PRKD3: variants seen among roughly 807,000 people sequenced by gnomAD.
PRKD3 encodes the protein protein kinase D3, also known as serine/threonine-protein kinase D3.
PRKD3 carries 47 observed loss-of-function variants against 99.2 expected under a neutral mutation model. That is an observed-to-expected ratio of 0.47 (90% CI 0.38 to 0.60). The LOEUF (loss-of-function observed/expected upper bound fraction) is 0.60. Among genes scored for constraint, PRKD3 ranks in the 20% least tolerant of loss-of-function variants. The probability of loss-of-function intolerance (pLI) is 0.00; values close to 1 mark genes in which losing one functional copy is unlikely to be tolerated. For missense variants in PRKD3, 1,019 were observed against 1,088.4 expected (o/e 0.94, Z 0.90); for synonymous variants, 392 against 355.4 (o/e 1.10, Z -1.16).
chr2:37,287,256 AAAAAAAAAAAAGAAAAAG>A (rs1670152945), intron 5 of PRKD3, among the ~76,000 whole-genome samples: 3 of 97,526 alleles, frequency 3.1e-5, no homozygotes, highest in African/African-American at 7.7e-5. Flanking sequence ...AAAAAAAAAA[AAAAAAAAAAAAGAAAAAG>A]AAAAAGAAAA....
In PRKD3 at chr2:37,260,500, A is replaced by G. The variant is rs905521564; in HGVS notation, c.1885-116T>C. On this transcript the variant is annotated intron_variant, in intron 14 of 18. Coordinates refer to ENST00000234179, the MANE Select transcript of PRKD3 (RefSeq NM_005813.6). ...AGAAAGAAAGCCTAGAGAAGTAAAC[A>G]AAGCAAACAAAATAAAAATTACAAT... 9 of 920,348 alleles carry G rather than the reference A, an allele frequency of 9.8e-6. No individual in the cohort carries two copies. The African/African-American group carries it at 1.4e-4, about 14-fold the overall frequency. The allele number at this position is 920,348 out of a possible 1,614,324, so 57.0% of individuals were successfully genotyped here.
At chr2:37,310,886 T>C (rs1353656651) in intron 2 of PRKD3, among the ~76,000 whole-genome samples, 1 of 152,200 alleles carries the variant, frequency 6.6e-6, no homozygotes, top group Non-Finnish European at 1.5e-5. Flanking sequence ...CAATCACATA[T>C]TTCTGTCACC....
Position 37,250,908 on chromosome 2 carries a change from A to C in PRKD3, c.*2269T>G, listed in dbSNP as rs1667435679. ...TGCAGGTTATACAGTATCTGGAATA[A>C]TCATTCAACTCCAGATTCTCTGACA... On this transcript the variant is annotated 3_prime_UTR_variant, in exon 19 of 19. Transcript: ENST00000234179. 1 of 152,680 alleles carries C rather than the reference A, an allele frequency of 6.5e-6. No homozygotes were observed. Among genetic ancestry groups the C allele is most frequent in the East Asian group, 1.9e-4 (1 of 5,200 alleles). The allele number at this position is 152,680 out of a possible 1,614,324, so 9.5% of individuals were successfully genotyped here. A position where few individuals can be genotyped will look rare whatever the true frequency, so the allele number is the denominator to read the frequency against.
intron 2 of PRKD3, among the ~76,000 whole-genome samples, chr2:37,314,190 CAT>C (rs1671564395): frequency 6.6e-6 from 1 of 152,142 alleles, no homozygotes; most frequent in South Asian, 2.1e-4. Context: ...ACCCAACTGA[CAT>C]TTATAGAAAA....
At chr2:37,321,290 C>G (rs1055424791) in intron 1 of PRKD3, among the ~76,000 whole-genome samples, 1 of 152,086 alleles carries the variant, frequency 6.6e-6, no homozygotes, top group African/African-American at 2.4e-5. Flanking sequence ...ATATTCCATT[C>G]AAATGAGCTT....
chr2:37,292,092 C>T (rs1222741449), intron 3 of PRKD3, among the ~76,000 whole-genome samples: 1 of 152,062 alleles, frequency 6.6e-6, no homozygotes. Context: ...TTTAAAGCCA[C>T]AGAAATAACC....
Position 37,318,987 on chromosome 2 carries a change from C to T in PRKD3, c.-655-1808G>A, listed in dbSNP as rs532598568. Among the ~76,000 whole-genome samples, 73 of 152,268 alleles carry T rather than the reference C, an allele frequency of 4.8e-4. No individual in the cohort carries two copies. The South Asian group carries it at 0.015, about 31-fold the overall frequency. ...CACTAGAAGTCAACCACATTTACAT[C>T]TTGGAAAATAATGATTATTAGGCTT... On this transcript the variant is annotated intron_variant, in intron 1 of 18. Transcript: ENST00000234179.
intron 10 of PRKD3, 35 bp from the exon 11 acceptor site, chr2:37,274,732 T>A (rs749278305): frequency 6.4e-7 from 1 of 1,566,422 alleles, no homozygotes; most frequent in Non-Finnish European, 8.7e-7. Context: ...AAAATAAGAA[T>A]AGATCTTTGT....
At chr2:37,300,612 T>C (rs1387644059) in intron 2 of PRKD3, among the ~76,000 whole-genome samples, 1 of 152,236 alleles carries the variant, frequency 6.6e-6, no homozygotes, top group East Asian at 1.9e-4. Flanking sequence ...ATGCATTGTA[T>C]GCTTGTATCA....
intron 17 of PRKD3, among the ~76,000 whole-genome samples, chr2:37,254,932 G>A (rs552206515): frequency 6.6e-6 from 1 of 152,294 alleles, no homozygotes; most frequent in Middle Eastern, 3.4e-3. Context: ...TTTGGAGAAT[G>A]ATCAATTGCA....
chr2:37,268,241 G>GT (rs1225262429), intron 13 of PRKD3: 5 of 456,836 alleles, frequency 1.1e-5, no homozygotes, highest in East Asian at 1.4e-4. Flanking sequence ...TGGCACAATC[G>GT]TAAGTCTACT....
intron 2 of PRKD3, among the ~76,000 whole-genome samples, chr2:37,313,461 A>G (rs1373692646): frequency 6.6e-6 from 1 of 152,224 alleles, no homozygotes; most frequent in Non-Finnish European, 1.5e-5. Flanking sequence ...GAAAACAGCC[A>G]ATCTATTTAA....
chr2:37,258,926 A>T (rs557044316), intron 16 of PRKD3, among the ~76,000 whole-genome samples: 4 of 152,280 alleles, frequency 2.6e-5, no homozygotes, highest in African/African-American at 9.6e-5. Context: ...ATCCTTGCCA[A>T]TTATGGAAAA....
At chr2:37,261,056 C>T (rs962717205) in intron 14 of PRKD3, among the ~76,000 whole-genome samples, 1 of 152,208 alleles carries the variant, frequency 6.6e-6, no homozygotes. Flanking sequence ...TTCAGTGGCT[C>T]TTTATTTCTG....
intron 9 of PRKD3, 77 bp downstream of exon 9, chr2:37,277,789 T>C: frequency 7.5e-6 from 11 of 1,475,328 alleles, no homozygotes; most frequent in Non-Finnish European, 1.0e-5. Flanking sequence ...CTCATCATCA[T>C]TTTGATTTAA....
intron 9 of PRKD3, 97 bp downstream of exon 9, chr2:37,277,769 T>A: frequency 7.4e-7 from 1 of 1,346,290 alleles, no homozygotes; most frequent in Non-Finnish European, 1.0e-6. Context: ...TATAATGTCT[T>A]AATATGTATC....
intron 17 of PRKD3, among the ~76,000 whole-genome samples, chr2:37,256,388 G>C (rs1667938377): frequency 6.6e-6 from 1 of 152,184 alleles, no homozygotes; most frequent in Non-Finnish European, 1.5e-5. Flanking sequence ...GAGTTTAACA[G>C]GTAAGACAGT....
intron 7 of PRKD3, 127 bp from the exon 8 acceptor site, chr2:37,280,056 T>C (rs76498211): frequency 0.046 from 15,112 of 327,292 alleles, 1,786 homozygotes; most frequent in African/African-American, 0.32. Context: ...GTATTTCTCT[T>C]TTTTTTTTTT....
At chr2:37,265,488 TAC>T (rs149325155) in intron 14 of PRKD3, among the ~76,000 whole-genome samples, 31 of 149,864 alleles carry the variant, frequency 2.1e-4, no homozygotes, top group Admixed American at 4.7e-4. Context: ...ATCTTTATAC[TAC>T]ACACACACAC....
Sources: allele counts gnomAD v4.1 joint callset (sites outside exome capture counted in the v4.1 genomes callset), GRCh38; gene constraint gnomAD v4.1.1; transcripts MANE v1.5; gene names NCBI Gene and HGNC (gene_info 2026-07-23, HGNC 2026-07-21).